Variants in HOMER1 observed in about 807,000 individuals in gnomAD.
HOMER1 encodes the protein homer protein homolog 1.
Under a neutral mutation model 48.9 loss-of-function variants are expected in HOMER1, and 3 were observed. That is an observed-to-expected ratio of 0.06 (90% confidence interval 0.03 to 0.16). HOMER1 has a LOEUF of 0.16. Ranked by LOEUF, HOMER1 falls within the 10% of genes least tolerant of loss-of-function variation. HOMER1 has a pLI of 1.00. For synonymous variants in HOMER1, 134 were observed against 146.4 expected (o/e 0.92, Z 0.61); for missense variants, 247 against 411.4 (o/e 0.60, Z 3.46).
At chr5:79,496,764 C>A (rs1341404562) in intron 1 of HOMER1, among the ~76,000 whole-genome samples, 1 of 151,720 alleles carries the variant, frequency 6.6e-6, no homozygotes, top group Non-Finnish European at 1.5e-5. Context: ...AAGATAATTC[C>A]GCGAATAGAA....
intron 5 of HOMER1, among the ~76,000 whole-genome samples, chr5:79,417,066 G>A (rs4643933): frequency 0.48 from 72,417 of 151,792 alleles, 20,549 homozygotes; most frequent in African/African-American, 0.79. Context: ...CCAAGGTGAT[G>A]CTGTGAATTA....
intron 5 of HOMER1, among the ~76,000 whole-genome samples, chr5:79,433,395 CTG>C (rs1476590448): frequency 6.6e-6 from 1 of 152,024 alleles, no homozygotes; most frequent in African/African-American, 2.4e-5. Context: ...TGCTGAAATC[CTG>C]TCTCTACTAA....
At chr5:79,512,357 C>T (rs1752966321) in intron 1 of HOMER1, among the ~76,000 whole-genome samples, 1 of 152,194 alleles carries the variant, frequency 6.6e-6, no homozygotes, top group Admixed American at 6.5e-5. Flanking sequence ...TGTTGTCTAA[C>T]CACTCATTAA....
intron 1 of HOMER1, among the ~76,000 whole-genome samples, chr5:79,493,435 G>A (rs1181886133): frequency 6.6e-6 from 1 of 152,084 alleles, no homozygotes; most frequent in Non-Finnish European, 1.5e-5. Context: ...TCATTCACTG[G>A]AATGTAAGCT....
intron 1 of HOMER1, among the ~76,000 whole-genome samples, chr5:79,460,969 G>A (rs1751303562): frequency 6.6e-6 from 1 of 152,184 alleles, no homozygotes; most frequent in African/African-American, 2.4e-5. Context: ...GGAAGTGGAA[G>A]GGGAAGATGA....
chr5:79,462,137 T>C (rs1005531220), intron 1 of HOMER1, among the ~76,000 whole-genome samples: 2 of 152,080 alleles, frequency 1.3e-5, no homozygotes, highest in Non-Finnish European at 2.9e-5. Flanking sequence ...AGACGGAGGT[T>C]GCAGTGAGCC....
At chr5:79,471,551 G>GCAAA (rs1751620160) in intron 1 of HOMER1, among the ~76,000 whole-genome samples, 1 of 97,680 alleles carries the variant, frequency 1.0e-5, no homozygotes, top group African/African-American at 3.6e-5. Context: ...CCATCTCAAA[G>GCAAA]AAAAAAAAAA....
intron 1 of HOMER1, among the ~76,000 whole-genome samples, chr5:79,473,946 AT>A (rs1561377638): frequency 6.6e-6 from 1 of 152,110 alleles, no homozygotes; most frequent in Non-Finnish European, 1.5e-5. Context: ...TCCTAAATGT[AT>A]TTACTCTTTT....
intron 1 of HOMER1, among the ~76,000 whole-genome samples, chr5:79,503,090 A>G (rs917451347): frequency 2.6e-5 from 4 of 152,028 alleles, no homozygotes; most frequent in Non-Finnish European, 5.9e-5. Context: ...CCCAGCCTGC[A>G]TGTAACTTTT....
intron 5 of HOMER1, among the ~76,000 whole-genome samples, chr5:79,404,082 T>C (rs955791202): frequency 1.3e-5 from 2 of 152,226 alleles, no homozygotes; most frequent in African/African-American, 2.4e-5. Flanking sequence ...TTTTCCCCTA[T>C]AGAGATGCGT....
At chr5:79,498,964 T>C (rs1302366372) in intron 1 of HOMER1, among the ~76,000 whole-genome samples, 1 of 151,690 alleles carries the variant, frequency 6.6e-6, no homozygotes, top group Non-Finnish European at 1.5e-5. Flanking sequence ...GCCTCCCGAG[T>C]AGCTGGGACT....
At chr5:79,480,980 C>T (rs190432290) in intron 1 of HOMER1, among the ~76,000 whole-genome samples, 3 of 152,294 alleles carry the variant, frequency 2.0e-5, no homozygotes, top group African/African-American at 7.2e-5. Flanking sequence ...TACTCTTCAA[C>T]CATCACAATG....
rs919582623 is a variant in HOMER1 at position 79,513,510 on chromosome 5, G to C, written c.-736C>G. On this transcript the variant is annotated 5_prime_UTR_variant, in exon 1 of 9. Transcript: ENST00000334082. Reference sequence around the variant, plus strand: ...AATAAACGGAGCCATTTCCAGGCTGGCAGCAGGCTGGGGGCGCAGCGCACG... The same window carrying C: ...AATAAACGGAGCCATTTCCAGGCTGCCAGCAGGCTGGGGGCGCAGCGCACG... The C allele has an allele frequency of 6.6e-6, 1 of 152,598 alleles. No individual in the cohort carries two copies. Among genetic ancestry groups the C allele is most frequent in the Non-Finnish European group, 1.5e-5 (1 of 68,386 alleles). The allele number at this position is 152,598 out of a possible 1,614,324, so 9.5% of individuals were successfully genotyped here.
Position 79,498,835 on chromosome 5 carries a change from CTT to C in HOMER1, c.5+13933_5+13934del, listed in dbSNP as rs368140541. ...TGGTCCTTCTACTTGCAGGTCTCCACTTTTTTTTTTTTTTTTTCAGACAGAGT... is the reference window on the plus strand; with the variant it reads ...TGGTCCTTCTACTTGCAGGTCTCCACTTTTTTTTTTTTTTTCAGACAGAGT... On this transcript the variant is annotated intron_variant, in intron 1 of 8. Coordinates refer to ENST00000334082, the MANE Select transcript of HOMER1 (RefSeq NM_004272.5). 1.1e-3 allele frequency among the ~76,000 whole-genome samples: 141 copies of C among 133,898 alleles called. 1 individual carries two copies. Among genetic ancestry groups the C allele is most frequent in the African/African-American group, 3.8e-3 (135 of 35,870 alleles). The allele number at this position is 133,898 out of a possible 152,430, so 87.8% of individuals were successfully genotyped here.
At chr5:79,468,827 C>T (rs1355192075) in intron 1 of HOMER1, among the ~76,000 whole-genome samples, 2 of 152,158 alleles carry the variant, frequency 1.3e-5, no homozygotes, top group African/African-American at 4.8e-5. Context: ...GTAATGTCCA[C>T]GTAACATCTT....
At chr5:79,483,820 C>G (rs185428630) in intron 1 of HOMER1, among the ~76,000 whole-genome samples, 2 of 149,776 alleles carry the variant, frequency 1.3e-5, no homozygotes, top group Non-Finnish European at 3.0e-5. Context: ...TTTGGGAGGC[C>G]GAGGTGGGTG....
At chr5:79,432,985 A>C (rs1750465546) in intron 5 of HOMER1, among the ~76,000 whole-genome samples, 1 of 152,230 alleles carries the variant, frequency 6.6e-6, no homozygotes, top group South Asian at 2.1e-4. Flanking sequence ...ATTATTAAAG[A>C]GAATCCTACA....
Position 79,447,332 on chromosome 5 carries a change from C to A in HOMER1, c.295-187G>T, listed in dbSNP as rs75769422. Among the ~76,000 whole-genome samples, 596 of 152,232 alleles carry A rather than the reference C, an allele frequency of 3.9e-3. 3 individuals carry two copies. The highest frequency in any genetic ancestry group is 0.013 in the African/African-American group (552 of 41,538). ...ACCTAATTCCAAACAGTTGTCTGTG[C>A]ACTATGAAGTATTTTGACAAATCTT... On this transcript the variant is annotated intron_variant, in intron 3 of 8. Coordinates refer to ENST00000334082, the MANE Select transcript of HOMER1 (RefSeq NM_004272.5).
intron 8 of HOMER1, among the ~76,000 whole-genome samples, chr5:79,382,370 T>C (rs868688558): frequency 6.6e-6 from 1 of 152,164 alleles, no homozygotes; most frequent in African/African-American, 2.4e-5. Flanking sequence ...TATAGTCAAA[T>C]TGTCTAAAGA....
Sources: allele counts gnomAD v4.1 joint callset (sites outside exome capture counted in the v4.1 genomes callset), GRCh38; gene constraint gnomAD v4.1.1; transcripts MANE v1.5; gene names NCBI Gene and HGNC (gene_info 2026-07-23, HGNC 2026-07-21).